KDM4B: variants seen among roughly 807,000 people sequenced by gnomAD.
KDM4B encodes the protein lysine demethylase 4B.
A neutral mutation model predicts 125.2 loss-of-function variants in KDM4B; 32 were observed. The observed-to-expected ratio is 0.26, with a 90% CI of 0.19 to 0.34. The LOEUF (loss-of-function observed/expected upper bound fraction) is 0.34. KDM4B is among the 10% of genes least tolerant of loss of function. The pLI, the probability that KDM4B is intolerant of heterozygous loss-of-function variation, is 1.00. For missense variants in KDM4B, 1,190 were observed against 1,577.7 expected (o/e 0.75, Z 4.16); for synonymous variants, 721 against 677.9 (o/e 1.06, Z -0.99).
Position 5,119,832 on chromosome 19 carries a change from G to C in KDM4B, c.1295G>C (p.Arg432Pro). ...GAGCCGCAGCCACTGCCACACGGCC[G>C]GGAGGCCGAGGGCGCAGAAGGTCAG... ...EEEPQPLPHG[R>P]EAEGAEEDGR... is the part of the protein sequence containing the mutation. The change falls in exon 11 of 23, where the codon CGG (arginine) becomes CCG (proline). Residue 432 changes from arginine to proline, a missense_variant. Around this residue, in one of 7 missense-constraint regions of KDM4B, gnomAD observed 428 missense variants for 405.1 expected, o/e 1.06. Transcript: ENST00000159111. 4 of 1,545,460 alleles carry C rather than the reference G, an allele frequency of 2.6e-6. No individual in the cohort carries two copies. The highest frequency in any genetic ancestry group is 3.5e-6 in the Non-Finnish European group (4 of 1,145,752).
chr19:5,048,810 G>A lies in KDM4B; in HGVS notation c.626+1141G>A, dbSNP rs1310580789. Among the ~76,000 whole-genome samples the A allele has an allele frequency of 2.6e-5, 4 of 152,326 alleles. No individual in the cohort carries two copies. In the East Asian group the frequency reaches 7.7e-4, roughly 29 times the overall value. On this transcript the variant is annotated intron_variant, in intron 6 of 22. Transcript: ENST00000159111. ...GGACGCCCATGGTGTGACCGGGTTT[G>A]TGCCTCCATAGGGACCGTCTGCCCT...
At chr19:4,982,551 CTA>C (rs2145330978) in intron 1 of KDM4B, among the ~76,000 whole-genome samples, 1 of 149,718 alleles carries the variant, frequency 6.7e-6, no homozygotes, top group Non-Finnish European at 1.5e-5. Context: ...ATTTTTATTT[CTA>C]TGTTTTTAAT....
intron 9 of KDM4B, among the ~76,000 whole-genome samples, chr19:5,109,417 T>A (rs1473505784): frequency 1.3e-5 from 2 of 152,130 alleles, no homozygotes; most frequent in Admixed American, 6.5e-5. Flanking sequence ...TCCTTCCCAG[T>A]GCCCAGTGTG....
chr19:5,133,428 C>CT (rs2039593058), intron 13 of KDM4B, among the ~76,000 whole-genome samples: 1 of 152,316 alleles, frequency 6.6e-6, no homozygotes, highest in South Asian at 2.1e-4. Flanking sequence ...GACAGTGTCT[C>CT]TGAGTCTCGG....
intron 21 of KDM4B, among the ~76,000 whole-genome samples, chr19:5,146,957 A>C (rs1349104426): frequency 8.6e-5 from 13 of 150,730 alleles, no homozygotes; most frequent in East Asian, 7.8e-4. Flanking sequence ...AAAAAAAAAA[A>C]AAAAACAAAA....
intron 9 of KDM4B, among the ~76,000 whole-genome samples, chr19:5,097,952 G>C (rs1017798028): frequency 6.6e-6 from 1 of 152,184 alleles, no homozygotes; most frequent in African/African-American, 2.4e-5. Flanking sequence ...TCTCAGGCAT[G>C]GGGGGCGCAA....
chr19:5,009,064 G>C (rs1417130173), intron 1 of KDM4B, among the ~76,000 whole-genome samples: 1 of 151,738 alleles, frequency 6.6e-6, no homozygotes, highest in African/African-American at 2.4e-5. Context: ...ACAGGTGGAT[G>C]CCACCACGCT....
chr19:5,011,278 TG>T (rs2035719086), intron 1 of KDM4B, among the ~76,000 whole-genome samples: 1 of 152,204 alleles, frequency 6.6e-6, no homozygotes, highest in African/African-American at 2.4e-5. Flanking sequence ...TCGATGCTGT[TG>T]GGGCATCATT....
At chr19:5,010,883 A>G (rs1169146035) in intron 1 of KDM4B, among the ~76,000 whole-genome samples, 2 of 152,126 alleles carry the variant, frequency 1.3e-5, no homozygotes, top group Non-Finnish European at 2.9e-5. Flanking sequence ...CCTGACCGCA[A>G]GTGACCCACC....
intron 9 of KDM4B, among the ~76,000 whole-genome samples, chr19:5,106,759 AGAGGGG>A (rs920790856): frequency 6.6e-6 from 1 of 152,168 alleles, no homozygotes; most frequent in African/African-American, 2.4e-5. Flanking sequence ...TGGGGCACCA[AGAGGGG>A]GGGCCTTGCT....
chr19:5,109,409 C>T (rs2145980799), intron 9 of KDM4B, among the ~76,000 whole-genome samples: 1 of 152,346 alleles, frequency 6.6e-6, no homozygotes, highest in African/African-American at 2.4e-5. Flanking sequence ...GCAGAACATC[C>T]TTCCCAGTGC....
Position 5,061,297 on chromosome 19 carries a change from G to T in KDM4B, c.627-9713G>T, listed in dbSNP as rs1325094383. Reference sequence around the variant, plus strand: ...GCTCCCAGGACTCTGCTGGTCTCCTGTGTGTCTCAATAAAAGGTCATTATT... The same window carrying T: ...GCTCCCAGGACTCTGCTGGTCTCCTTTGTGTCTCAATAAAAGGTCATTATT... On this transcript the variant is annotated intron_variant, in intron 6 of 22. Transcript: ENST00000159111. Among the ~76,000 whole-genome samples the T allele has an allele frequency of 4.6e-5, 7 of 152,328 alleles. No homozygotes were observed. The South Asian group carries it at 1.4e-3, about 32-fold the overall frequency.
At chr19:5,084,328 T>C in intron 9 of KDM4B, among the ~76,000 whole-genome samples, 1 of 145,670 alleles carries the variant, frequency 6.9e-6, no homozygotes, top group Non-Finnish European at 1.5e-5. Context: ...TTATATATTG[T>C]ATATAATTTA....
At chr19:5,149,644 C>T (rs2039912237) in intron 21 of KDM4B, among the ~76,000 whole-genome samples, 2 of 152,228 alleles carry the variant, frequency 1.3e-5, no homozygotes, top group South Asian at 4.1e-4. Context: ...CTGGCACGCC[C>T]TTCATGGGAC....
At chr19:5,102,573 G>A (rs1013011364) in intron 9 of KDM4B, among the ~76,000 whole-genome samples, 2 of 152,192 alleles carry the variant, frequency 1.3e-5, no homozygotes, top group African/African-American at 2.4e-5. Flanking sequence ...GAATGGGGCC[G>A]GGGCCGGGGT....
At chr19:5,150,754 G>T (rs1305535429) in intron 22 of KDM4B, among the ~76,000 whole-genome samples, 1 of 152,142 alleles carries the variant, frequency 6.6e-6, no homozygotes, top group Non-Finnish European at 1.5e-5. Flanking sequence ...AGCCCCCTGT[G>T]CCCTGCAGGA....
At chr19:4,977,569 G>T (rs573630020) in intron 1 of KDM4B, among the ~76,000 whole-genome samples, 2 of 152,330 alleles carry the variant, frequency 1.3e-5, no homozygotes, top group South Asian at 4.1e-4. Flanking sequence ...CGTTTTTGCG[G>T]CTGCCCTAGT....
chr19:5,117,006 C>A (rs1209375408), intron 10 of KDM4B, among the ~76,000 whole-genome samples: 1 of 152,116 alleles, frequency 6.6e-6, no homozygotes, highest in East Asian at 1.9e-4. Context: ...CCCACAGATG[C>A]CCCAAGTGAT....
At chr19:4,981,457 G>A (rs1043936311) in intron 1 of KDM4B, among the ~76,000 whole-genome samples, 7 of 152,156 alleles carry the variant, frequency 4.6e-5, no homozygotes, top group African/African-American at 1.2e-4. Context: ...TGCTCCCTGG[G>A]TCACTTCCCT....
Sources: gnomAD v4.1 joint callset for allele counts (sites outside exome capture counted in the v4.1 genomes callset) on GRCh38, gnomAD v4.1.1 for gene constraint, gnomAD v4.1.1 regional missense constraint, MANE v1.5 for transcripts, NCBI Gene and HGNC (gene_info 2026-07-23, HGNC 2026-07-21) for gene names.